The following MCM3AP variants were observed in gnomAD, a reference collection of about 807,000 sequenced individuals.
The protein encoded by MCM3AP is germinal-center associated nuclear protein.
MCM3AP carries 126 observed loss-of-function variants against 184.1 expected under a neutral mutation model. The ratio of observed to expected loss-of-function variants is 0.68; its 90% CI spans 0.59 to 0.79. The LOEUF is 0.79. Among genes scored for constraint, MCM3AP ranks in the 30% least tolerant of loss-of-function variants. MCM3AP has a pLI of 0.00. For synonymous variants in MCM3AP, 1,002 were observed against 979.3 expected, an observed-to-expected ratio of 1.02 and a Z score of -0.43; for missense variants, 2,496 against 2,479.2, an observed-to-expected ratio of 1.01 and a Z score of -0.14.
rs1872965697 is a variant in MCM3AP at position 46,266,978 on chromosome 21, T to C, written c.2789+4A>G. On this transcript the variant is annotated splice_donor_region_variant and intron_variant, in intron 10 of 27. Coordinates refer to ENST00000291688, the MANE Select transcript of MCM3AP (RefSeq NM_003906.5). ...GGCCCCACAGTTCCATTCTCAGCTC[T>C]TACCCGTCGGAAACGGTGAGGCCGT... The C allele has an allele frequency of 1.2e-6, 2 of 1,613,926 alleles. No homozygotes were observed. Among genetic ancestry groups the C allele is most frequent in the African/African-American group, 1.3e-5 (1 of 74,916 alleles).
chr21:46,239,324 T>G (rs2080605925), intron 26 of MCM3AP, among the ~76,000 whole-genome samples: 1 of 152,218 alleles, frequency 6.6e-6, no homozygotes, highest in Admixed American at 6.5e-5. Flanking sequence ...CCACCAGGTC[T>G]ACCAAGACTA....
At chr21:46,245,736 C>T (rs1045269028) in intron 22 of MCM3AP, among the ~76,000 whole-genome samples, 1 of 152,148 alleles carries the variant, frequency 6.6e-6, no homozygotes, top group Admixed American at 6.5e-5. Context: ...TGAGCTCAAG[C>T]AGTCCTCCTG....
At chr21:46,279,835 G>A (rs912932303) in intron 4 of MCM3AP, among the ~76,000 whole-genome samples, 158 bp downstream of exon 4, 5 of 152,110 alleles carry the variant, frequency 3.3e-5, no homozygotes, top group African/African-American at 1.2e-4. Context: ...GCTGGCAGGA[G>A]GGGCAGAGCC....
At chr21:46,278,458 T>C (rs1190489829) in intron 4 of MCM3AP, among the ~76,000 whole-genome samples, 2 of 152,164 alleles carry the variant, frequency 1.3e-5, no homozygotes, top group Non-Finnish European at 2.9e-5. Flanking sequence ...GGAAAATACA[T>C]TGGCCAAAAG....
At chr21:46,241,420 G>T (rs2080663346) in intron 25 of MCM3AP, 1 of 161,946 alleles carries the variant, frequency 6.2e-6, no homozygotes, top group Non-Finnish European at 1.4e-5. Context: ...GATACATTTG[G>T]AAGTAATGTT....
intron 20 of MCM3AP, chr21:46,250,040 T>A: frequency 6.5e-6 from 1 of 153,200 alleles, no homozygotes; most frequent in East Asian, 1.9e-4. Context: ...AGAGGGAACA[T>A]GGATGGATCA....
intron 26 of MCM3AP, among the ~76,000 whole-genome samples, chr21:46,239,968 G>A (rs1393797533): frequency 6.6e-6 from 1 of 152,196 alleles, no homozygotes; most frequent in African/African-American, 2.4e-5. Flanking sequence ...GGCTGAAGAA[G>A]TGAGTATCAC....
At chr21:46,243,827 T>G (rs2080718452) in intron 23 of MCM3AP, 105 bp from the exon 24 acceptor site, 1 of 1,211,784 alleles carries the variant, frequency 8.3e-7, no homozygotes, top group Non-Finnish European at 1.1e-6. Flanking sequence ...TTGAGAAGTC[T>G]GCTTTCTAAA....
In MCM3AP at chr21:46,264,165, C is replaced by G. The variant is rs750279396; in HGVS notation, c.3287G>C (p.Cys1096Ser). The change falls in exon 13 of 28, where the codon TGT (cysteine) becomes TCT (serine). Residue 1096 changes from cysteine to serine, a missense_variant. By Grantham distance (112) the Cys-to-Ser change is moderately radical. Around this residue, in one of 5 missense-constraint regions of MCM3AP, gnomAD observed 1,323 missense variants for 1,273.4 expected, o/e 1.04. Transcript: ENST00000291688. ...ELIQEALQRD[C>S]EEVGSAGAAY... is the part of the protein sequence containing the mutation. ...AGCACCCGCAGAGCCAACTTCCTCA[C>G]AGTCCCTCTGCAGGGCCTCCTGGAT... 1.2e-6 allele frequency: 2 copies of G among 1,613,994 alleles called. No individual in the cohort carries two copies. Among genetic ancestry groups the G allele is most frequent in the Non-Finnish European group, 1.7e-6 (2 of 1,179,970 alleles).
Position 46,235,224 on chromosome 21 carries a change from CAG to C in MCM3AP, c.*42_*43del, listed in dbSNP as rs759473871. The C allele has an allele frequency of 5.6e-6, 9 of 1,594,446 alleles. No homozygotes were observed. Among genetic ancestry groups the C allele is most frequent in the African/African-American group, 2.7e-5 (2 of 74,264 alleles). On this transcript the variant is annotated 3_prime_UTR_variant, in exon 28 of 28. Transcript: ENST00000291688. The stretch of plus-strand genomic sequence containing the variant: ...AGAATAACATTATTTTGAGTAAAAA[CAG>C]AAACTCTTCGGGAGAGACCCCCTCC...
Position 46,266,070 on chromosome 21 carries a change from G to A in MCM3AP, c.2886C>T (p.Val962=), listed in dbSNP as rs749709980. The A allele has an allele frequency of 1.6e-5, 26 of 1,612,252 alleles. No homozygotes were observed. The highest frequency in any genetic ancestry group is 1.3e-5 in the African/African-American group (1 of 74,928). The change falls in exon 11 of 28, where the codon GTC becomes GTT. Residue 962 remains valine (V), a synonymous_variant. Transcript: ENST00000291688. ...ATGGCCCTCCGTTCACAATTTCCCC[G>A]ACTGACACCGTCAGCTTCCTAGTAA... ...VFITRKLTVS[V]GEIVNGGPLP...
At chr21:46,256,515 G>C (rs1367371649) in intron 17 of MCM3AP, 1 of 497,794 alleles carries the variant, frequency 2.0e-6, no homozygotes, top group South Asian at 2.8e-5. Flanking sequence ...AAAAGAACAC[G>C]TGATGCAGAG....
chr21:46,245,198 C>T lies in MCM3AP; in HGVS notation c.4648-1G>A. The T allele has an allele frequency of 6.3e-7, 1 of 1,576,902 alleles. No homozygotes were observed. The highest frequency in any genetic ancestry group is 1.1e-5 in the South Asian group (1 of 87,600). ...CCAGCCACTGCACTGCTTGCAAAAC[C>T]TGAGAAGAAAGAAGAGACTTGGTTG... On this transcript the variant is annotated splice_acceptor_variant, in intron 22 of 27. Coordinates refer to ENST00000291688, the MANE Select transcript of MCM3AP (RefSeq NM_003906.5). LOFTEE classifies it high-confidence loss of function.
intron 13 of MCM3AP, among the ~76,000 whole-genome samples, chr21:46,262,795 G>A (rs1255043708): frequency 4.7e-5 from 7 of 149,280 alleles, no homozygotes; most frequent in African/African-American, 9.9e-5. Context: ...GTGAAACCCT[G>A]TCTCTACTAA....
chr21:46,284,538 C>A lies in MCM3AP; in HGVS notation c.749G>T (p.Ser250Ile). Residue 250 changes from serine (S) to isoleucine (I), a missense_variant, in exon 1 of 28, where the codon AGT becomes ATT. This residue lies in a region of MCM3AP where 800 missense variants were observed against 717.1 expected (regional missense o/e 1.12). Coordinates refer to ENST00000291688, the MANE Select transcript of MCM3AP (RefSeq NM_003906.5). Reference sequence around the variant, plus strand: ...AACCGCAGATGATACAGGGAAGCTACTGAAGCTATTATTAGAACTTCCAAA... The same window carrying A: ...AACCGCAGATGATACAGGGAAGCTAATGAAGCTATTATTAGAACTTCCAAA... ...SIFGSSNNSF[S>I]SFPVSSAVLG... 6.2e-7 allele frequency: 1 copy of A among 1,614,216 alleles called. No individual in the cohort carries two copies. Among genetic ancestry groups the A allele is most frequent in the Non-Finnish European group, 8.5e-7 (1 of 1,180,040 alleles).
At chr21:46,255,511 G>C (rs2080937588) in intron 17 of MCM3AP, among the ~76,000 whole-genome samples, 1 of 152,154 alleles carries the variant, frequency 6.6e-6, no homozygotes, top group Non-Finnish European at 1.5e-5. Flanking sequence ...GAGGTGGAGA[G>C]AACTGCCATG....
rs2081312767 is a variant in MCM3AP at position 46,280,099 on chromosome 21, G to A, written c.1561C>T (p.Pro521Ser). 6.2e-7 allele frequency: 1 copy of A among 1,614,218 alleles called. No individual in the cohort carries two copies. The highest frequency in any genetic ancestry group is 2.2e-5 in the East Asian group (1 of 44,886). The change falls in exon 4 of 28, where the codon CCA becomes TCA. Residue 521 changes from proline (P) to serine (S), a missense_variant. Coordinates refer to ENST00000291688, the MANE Select transcript of MCM3AP (RefSeq NM_003906.5). ...KKPFSLKEKK[P>S]GDGEVSPSTE... is the part of the protein sequence containing the mutation. Reference sequence around the variant, plus strand: ...CTCGGGCTGACTTCACCGTCACCTGGTTTCTTCTCCTTCAGGGAAAAGGGT... The same window carrying A: ...CTCGGGCTGACTTCACCGTCACCTGATTTCTTCTCCTTCAGGGAAAAGGGT...
intron 4 of MCM3AP, among the ~76,000 whole-genome samples, 172 bp from the exon 5 acceptor site, chr21:46,277,889 G>A (rs938246523): frequency 3.3e-5 from 5 of 152,120 alleles, no homozygotes; most frequent in African/African-American, 7.2e-5. Context: ...GCACAAAAGC[G>A]TTATTCACAT....
intron 23 of MCM3AP, chr21:46,244,536 A>C: frequency 2.0e-6 from 1 of 502,666 alleles, no homozygotes; most frequent in South Asian, 2.6e-5. Flanking sequence ...ACCACTTGTC[A>C]CTTTTCTCCT....
Sources: allele counts gnomAD v4.1 joint callset (sites outside exome capture counted in the v4.1 genomes callset), GRCh38; gene constraint gnomAD v4.1.1; regional missense constraint gnomAD v4.1.1; transcripts MANE v1.5; gene names NCBI Gene and HGNC (gene_info 2026-07-23, HGNC 2026-07-21).